Variants in MUC5AC observed in about 807,000 individuals in gnomAD.
The protein encoded by MUC5AC is mucin 5AC, oligomeric mucus/gel-forming.
A neutral mutation model predicts 169.7 loss-of-function variants in MUC5AC; 158 were observed. That is an observed-to-expected ratio of 0.93 (90% CI 0.82 to 1.06). MUC5AC has a LOEUF of 1.06. Among genes scored for constraint, MUC5AC ranks in the 50% least tolerant of loss-of-function variants. The probability of loss-of-function intolerance (pLI) is 0.00; values close to 1 mark genes in which losing one functional copy is unlikely to be tolerated. For synonymous variants in MUC5AC, 1,975 were observed against 1,237.0 expected (o/e 1.60, Z -12.52); for missense variants, 4,359 against 3,089.9 (o/e 1.41, Z -9.74).
intron 48 of MUC5AC, 92 bp from the exon 49 acceptor site, chr11:1,200,346 C>T (rs1026856182): frequency 2.9e-5 from 18 of 610,594 alleles, no homozygotes; most frequent in South Asian, 1.5e-4. Context: ...GCAGGGAACA[C>T]GATGAGGCCG....
In MUC5AC at chr11:1,183,376, A is replaced by T; in HGVS notation, c.5231A>T (p.His1744Leu). The T allele has an allele frequency of 1.7e-6, 1 of 599,948 alleles. No individual in the cohort carries two copies. Among genetic ancestry groups the T allele is most frequent in the Non-Finnish European group, 2.9e-6 (1 of 344,818 alleles). 37.2% of individuals were successfully genotyped at this position (599,948 alleles called of 1,614,324 possible). Residue 1744 changes from histidine to leucine, a missense_variant, in exon 31 of 49, where the codon CAT becomes CTT. Coordinates refer to ENST00000621226, the MANE Select transcript of MUC5AC (RefSeq NM_001304359.2). ...THTTLVTRNCHPRCTWTKWFD... is the reference protein window; with the variant it reads ...THTTLVTRNCLPRCTWTKWFD... Reference sequence around the variant, plus strand: ...ACCACACTAGTCACCAGAAACTGTCATCCCCGGTGCACCTGGACAAAGTGG... The same window carrying T: ...ACCACACTAGTCACCAGAAACTGTCTTCCCCGGTGCACCTGGACAAAGTGG...
chr11:1,172,709 A>G (rs996710090), intron 16 of MUC5AC, among the ~76,000 whole-genome samples, 186 bp downstream of exon 16: 81 of 148,292 alleles, frequency 5.5e-4, no homozygotes, highest in Non-Finnish European at 1.0e-3. Context: ...CCACCCACCC[A>G]TTCACTCATT....
rs907757024 is a variant in MUC5AC, at chr11:1,172,412, C to A, written c.1871-17C>A. The A allele has an allele frequency of 5.0e-6, 2 of 398,560 alleles. No homozygotes were observed. Among genetic ancestry groups the A allele is most frequent in the African/African-American group, 2.1e-5 (1 of 48,646 alleles). 24.7% of individuals were successfully genotyped at this position (398,560 alleles called of 1,614,324 possible). ...TGCCTGATCTTAATCCTAACCCTATCCCTCCTCTGTCCACAGAGAAGTATG... is the reference window on the plus strand; with the variant it reads ...TGCCTGATCTTAATCCTAACCCTATACCTCCTCTGTCCACAGAGAAGTATG... On this transcript the variant is annotated splice_polypyrimidine_tract_variant and intron_variant, in intron 15 of 48. Coordinates refer to ENST00000621226, the MANE Select transcript of MUC5AC (RefSeq NM_001304359.2).
intron 16 of MUC5AC, among the ~76,000 whole-genome samples, chr11:1,173,030 CCATT>C (rs1183776720): frequency 2.7e-5 from 4 of 148,172 alleles, no homozygotes; most frequent in African/African-American, 1.0e-4. Flanking sequence ...CCCCACTCAC[CCATT>C]CACTCACTCA....
rs1370125151 is a variant in MUC5AC at position 1,190,803 on chromosome 11, G to A, written c.12658G>A (p.Gly4220Ser). Residue 4220 changes from glycine (G) to serine (S), a missense_variant, in exon 31 of 49, where the codon GGT becomes AGT. Coordinates refer to ENST00000621226, the MANE Select transcript of MUC5AC (RefSeq NM_001304359.2). ...AGCTGCTACAAGCAGCACAACCTCC[G>A]GTTCTGGAACTACTCCAAGCCCTGT... ...TSAATSSTTSGSGTTPSPVPT... is the reference protein window; with the variant it reads ...TSAATSSTTSSSGTTPSPVPT... 22 of 725,148 alleles carry A rather than the reference G, an allele frequency of 3.0e-5. No individual in the cohort carries two copies. The highest frequency in any genetic ancestry group is 1.7e-4 in the Admixed American group (9 of 52,928). 44.9% of individuals were successfully genotyped at this position (725,148 alleles called of 1,614,324 possible).
intron 1 of MUC5AC, among the ~76,000 whole-genome samples, chr11:1,159,449 C>A (rs1428818060): frequency 1.5e-5 from 2 of 135,360 alleles, no homozygotes; most frequent in Non-Finnish European, 3.1e-5. Context: ...GGGGTCTGGT[C>A]CCCCCATGCT....
chr11:1,193,542 G>A lies in MUC5AC; in HGVS notation c.14638G>A (p.Val4880Ile), dbSNP rs777862639. ...CGAGGCCACCTGTGAGGGCAACAAC[G>A]TCATCTCCCTGCGCCCGCGCACGTG... ...CSEATCEGNN[V>I]ISLRPRTCPR... Residue 4880 changes from valine to isoleucine, a missense_variant, in exon 33 of 49, where the codon GTC (valine) becomes ATC (isoleucine). Transcript: ENST00000621226. 13 of 762,174 alleles carry A rather than the reference G, an allele frequency of 1.7e-5. No homozygotes were observed. The highest frequency in any genetic ancestry group is 5.1e-5 in the African/African-American group (3 of 59,102). The allele number at this position is 762,174 out of a possible 1,614,324, so 47.2% of individuals were successfully genotyped here. A position where few individuals can be genotyped will look rare whatever the true frequency, so the allele number is the denominator to read the frequency against.
Position 1,186,454 on chromosome 11 carries a change from C to T in MUC5AC, c.8309C>T (p.Thr2770Ile), listed in dbSNP as rs1860948833. 4.3e-6 allele frequency: 3 copies of T among 699,146 alleles called. No homozygotes were observed. In the East Asian group the frequency reaches 8.0e-5, roughly 19 times the overall value. 43.3% of individuals were successfully genotyped at this position (699,146 alleles called of 1,614,324 possible). The change falls in exon 31 of 49, where the codon ACC becomes ATC. Residue 2770 changes from threonine to isoleucine, a missense_variant. By Grantham distance (89) the Thr-to-Ile change is moderately conservative. Coordinates refer to ENST00000621226, the MANE Select transcript of MUC5AC (RefSeq NM_001304359.2). ...STTSTTSATT[T>I]STTSATTTST... The stretch of plus-strand genomic sequence containing the variant: ...ACCAGCACAACCTCTGCGACTACAA[C>T]CAGCACAACCTCTGCTACTACAACC...
rs1860702860 is a variant in MUC5AC, at chr11:1,176,998, G to A, written c.2725G>A (p.Gly909Ser). The A allele has an allele frequency of 1.5e-5, 6 of 398,856 alleles. No individual in the cohort carries two copies. Among genetic ancestry groups the A allele is most frequent in the Non-Finnish European group, 2.2e-5 (5 of 226,320 alleles). 24.7% of individuals were successfully genotyped at this position (398,856 alleles called of 1,614,324 possible). A position where few individuals can be genotyped will look rare whatever the true frequency, so the allele number is the denominator to read the frequency against. The stretch of plus-strand genomic sequence containing the variant: ...GGCCACCTGCGCCGTGTACGGGGAC[G>A]GCCACTACCTCACCTTCGACGGACA... ...CLATCAVYGD[G>S]HYLTFDGQSY... The change falls in exon 22 of 49, where the codon GGC (glycine) becomes AGC (serine). Residue 909 changes from glycine (G) to serine (S), a missense_variant. Physicochemically the swap from Gly to Ser is moderately conservative, Grantham distance 56 (BLOSUM62 0). Coordinates refer to ENST00000621226, the MANE Select transcript of MUC5AC (RefSeq NM_001304359.2).
rs1331236230 is a variant in MUC5AC at position 1,187,995 on chromosome 11, C to G, written c.9850C>G (p.Leu3284Val). The G allele has an allele frequency of 1.8e-5, 14 of 759,798 alleles. No homozygotes were observed. The highest frequency in any genetic ancestry group is 6.8e-5 in the Admixed American group (4 of 58,768). 47.1% of individuals were successfully genotyped at this position (759,798 alleles called of 1,614,324 possible). ...CCACCCGGAGGTGAGCATTGAACACCTGGGCCAGGTGGTGCAGTGCAGCCG... is the reference window on the plus strand; with the variant it reads ...CCACCCGGAGGTGAGCATTGAACACGTGGGCCAGGTGGTGCAGTGCAGCCG... Reference protein sequence around the residue: ...ESHPEVSIEHLGQVVQCSREE... With the variant: ...ESHPEVSIEHVGQVVQCSREE... Residue 3284 changes from leucine to valine, a missense_variant, in exon 31 of 49, where the codon CTG (leucine) becomes GTG (valine). Leu to Val is a conservative substitution (Grantham distance 32). Transcript: ENST00000621226.
intron 19 of MUC5AC, among the ~76,000 whole-genome samples, chr11:1,175,901 A>G (rs1320402637): frequency 0.15 from 18,819 of 123,108 alleles, 1,677 homozygotes; most frequent in Non-Finnish European, 0.17. Flanking sequence ...ACACACCCAC[A>G]CATGCACACA....
At position 1,168,946 on chromosome 11, in the gene MUC5AC, T is replaced by C. The variant is rs779694685; in HGVS notation, c.1790T>C (p.Phe597Ser). The change falls in exon 15 of 49, where the codon TTC (phenylalanine) becomes TCC (serine). Residue 597 changes from phenylalanine to serine, a missense_variant. Phe to Ser is a radical substitution (Grantham distance 155). Coordinates refer to ENST00000621226, the MANE Select transcript of MUC5AC (RefSeq NM_001304359.2). ...GTGGAGGCCACCGCTGCGGCCTTCT[T>C]CAACACCTTCAAGACCCAGGCCGCC... The part of the protein sequence containing the change: ...GVVEATAAAF[F>S]NTFKTQAACP... 6.2e-7 allele frequency: 1 copy of C among 1,611,644 alleles called. No individual in the cohort carries two copies. Among genetic ancestry groups the C allele is most frequent in the Admixed American group, 1.7e-5 (1 of 59,894 alleles).
At chr11:1,161,329 G>A (rs1860134272) in intron 2 of MUC5AC, among the ~76,000 whole-genome samples, 198 bp from the exon 3 acceptor site, 1 of 130,602 alleles carries the variant, frequency 7.7e-6, no homozygotes, top group African/African-American at 2.8e-5. Flanking sequence ...AAAAGTCACC[G>A]AACGCAGGGT....
In MUC5AC at chr11:1,199,412, C is replaced by A; in HGVS notation, c.16437C>A (p.Thr5479=). ...CAGACGCAGGGAACCACTGTGTGAC[C>A]CACCAGTGTGAGAAGCACCAGGATG... The part of the protein sequence containing the change: ...TWSDAGNHCV[T]HQCEKHQDGL... Residue 5479 remains threonine (T), a synonymous_variant, in exon 46 of 49, where the codon ACC becomes ACA. Transcript: ENST00000621226. 1.4e-6 allele frequency: 1 copy of A among 730,338 alleles called. No individual in the cohort carries two copies. The highest frequency in any genetic ancestry group is 2.5e-6 in the Non-Finnish European group (1 of 400,532). 45.2% of individuals were successfully genotyped at this position (730,338 alleles called of 1,614,324 possible).
chr11:1,169,168 G>T, intron 15 of MUC5AC, 142 bp downstream of exon 15: 3 of 1,406,154 alleles, frequency 2.1e-6, no homozygotes, highest in Non-Finnish European at 2.8e-6. Context: ...CCAAGGACAG[G>T]CTCATGGTGG....
intron 25 of MUC5AC, among the ~76,000 whole-genome samples, chr11:1,178,886 G>C (rs1265616998): frequency 3.9e-5 from 6 of 152,196 alleles, no homozygotes; most frequent in African/African-American, 1.4e-4. Flanking sequence ...GGGGCCCTGG[G>C]GGGTGTTAAC....
At position 1,196,016 on chromosome 11, in the gene MUC5AC, T is replaced by C. The variant is rs1160320748; in HGVS notation, c.15599T>C (p.Ile5200Thr). 1 of 764,876 alleles carries C rather than the reference T, an allele frequency of 1.3e-6. No individual in the cohort carries two copies. Among genetic ancestry groups the C allele is most frequent in the African/African-American group, 1.7e-5 (1 of 59,254 alleles). 47.4% of individuals were successfully genotyped at this position (764,876 alleles called of 1,614,324 possible). A position where few individuals can be genotyped will look rare whatever the true frequency, so the allele number is the denominator to read the frequency against. The change falls in exon 37 of 49, where the codon ATC (isoleucine) becomes ACC (threonine). Residue 5200 changes from isoleucine to threonine, a missense_variant. Coordinates refer to ENST00000621226, the MANE Select transcript of MUC5AC (RefSeq NM_001304359.2). ...GCGGCACTCTGTGCGTCCCACGACATCTGCATCGATTGGAGAGGCCGGACC... is the reference window on the plus strand; with the variant it reads ...GCGGCACTCTGTGCGTCCCACGACACCTGCATCGATTGGAGAGGCCGGACC... Reference protein sequence around the residue: ...LYAALCASHDICIDWRGRTGH... With the variant: ...LYAALCASHDTCIDWRGRTGH...
chr11:1,176,037 C>G (rs1375708648), intron 19 of MUC5AC, 114 bp from the exon 20 acceptor site: 4 of 398,240 alleles, frequency 1.0e-5, no homozygotes, highest in African/African-American at 6.2e-5. Context: ...CCCACTCATG[C>G]ACACGCACCC....
chr11:1,181,100 G>C, intron 28 of MUC5AC, 39 bp from the exon 29 acceptor site: 1 of 398,512 alleles, frequency 2.5e-6, no homozygotes, highest in Non-Finnish European at 4.4e-6. Flanking sequence ...GCACACGGCC[G>C]CCCCCACGCA....
Sources: allele counts gnomAD v4.1 joint callset (sites outside exome capture counted in the v4.1 genomes callset), GRCh38; gene constraint gnomAD v4.1.1; transcripts MANE v1.5; gene names NCBI Gene and HGNC (gene_info 2026-07-23, HGNC 2026-07-21).